GCNA: variants seen among roughly 807,000 people sequenced by gnomAD.
GCNA encodes germ cell nuclear acidic protein.
A neutral mutation model predicts 38.8 loss-of-function variants in GCNA; 3 were observed. That is an observed-to-expected ratio of 0.08 (90% confidence interval 0.04 to 0.20). GCNA has a LOEUF of 0.20. Ranked by LOEUF, GCNA falls within the 10% of genes least tolerant of loss-of-function variation. The pLI, the probability that GCNA is intolerant of heterozygous loss-of-function variation, is 1.00. For synonymous variants in GCNA, 195 were observed against 240.2 expected, an observed-to-expected ratio of 0.81 and a Z score of 1.74; for missense variants, 446 against 578.6, an observed-to-expected ratio of 0.77 and a Z score of 2.35.
intron 7 of GCNA, among the ~76,000 whole-genome samples, chrX:71,600,109 G>C (rs767314135): frequency 6.1e-4 from 68 of 111,916 alleles, no homozygotes; most frequent in Non-Finnish European, 1.5e-4. Flanking sequence ...ACTTCAAAGA[G>C]TGTGTGGCGT....
intron 2 of GCNA, among the ~76,000 whole-genome samples, chrX:71,589,442 T>C (rs1326817222): frequency 1.1e-5 from 1 of 91,799 alleles, no homozygotes; most frequent in Non-Finnish European, 2.1e-5. Flanking sequence ...CTGGCCTGCA[T>C]ATATTTCCTT....
At chrX:71,609,286 T>G (rs2040792506) in intron 10 of GCNA, among the ~76,000 whole-genome samples, 169 bp downstream of exon 10, 1 of 111,871 alleles carries the variant, frequency 8.9e-6, no homozygotes, top group Non-Finnish European at 1.9e-5. Context: ...TGAGTTATAA[T>G]GTATAGGACA....
At chrX:71,607,341 G>T (rs1275523801) in intron 9 of GCNA, among the ~76,000 whole-genome samples, 2 of 112,047 alleles carry the variant, frequency 1.8e-5, no homozygotes, top group African/African-American at 6.5e-5. Flanking sequence ...TCCCCCCTCT[G>T]CAGCCCAACT....
rs1234477204 is a variant in GCNA, at chrX:71,587,115, A to G, written c.60-5007A>G. On this transcript the variant is annotated intron_variant, in intron 2 of 12. Transcript: ENST00000373696. ...AATCCTTGGGAAGGCTAGGGGAGAC[A>G]GGTCCAAAGTACAAGGGAGGGATTG... Among the ~76,000 whole-genome samples the G allele has an allele frequency of 2.7e-5, 3 of 111,480 alleles. No individual in the cohort carries two copies. The East Asian group carries it at 8.5e-4, about 31-fold the overall frequency.
chrX:71,600,416 T>C (rs2040704132), intron 7 of GCNA, among the ~76,000 whole-genome samples: 1 of 112,038 alleles, frequency 8.9e-6, no homozygotes, highest in Non-Finnish European at 1.9e-5. Context: ...TAAAGGACAG[T>C]CCTTTAAATT....
chrX:71,604,703 G>A lies in GCNA; in HGVS notation c.1399+27G>A, dbSNP rs1480204260. 5 of 1,202,112 alleles carry A rather than the reference G, an allele frequency of 4.2e-6. No individual in the cohort carries two copies. The African/African-American group carries it at 8.8e-5, about 21-fold the overall frequency. ...TAAGCCAGTCATGCCAAGTATGCCT[G>A]TCCCACTGAATGTGCCTTGCCTGCC... On this transcript the variant is annotated intron_variant, in intron 8 of 12. Coordinates refer to ENST00000373696, the MANE Select transcript of GCNA (RefSeq NM_052957.5).
At chrX:71,594,477 G>A (rs765734110) in intron 5 of GCNA, 100 bp downstream of exon 5, 924 of 682,904 alleles carry the variant, frequency 1.4e-3, no homozygotes, top group Non-Finnish European at 1.9e-3. Context: ...TTCTAAGTTC[G>A]TCACCTCTAG....
chrX:71,596,780 T>G (rs2147721071), intron 6 of GCNA, among the ~76,000 whole-genome samples: 1 of 111,507 alleles, frequency 9.0e-6, no homozygotes, highest in South Asian at 3.8e-4. Flanking sequence ...TAGGCAGGGC[T>G]GATAATCAAA....
intron 1 of GCNA, among the ~76,000 whole-genome samples, chrX:71,579,277 T>G (rs753862497): frequency 5.2e-4 from 31 of 59,521 alleles, no homozygotes; most frequent in African/African-American, 8.2e-4. Context: ...TGGGGGGAGG[T>G]GGGGGTGCCA....
At chrX:71,605,578 C>T (rs1269441129) in intron 8 of GCNA, 85 bp from the exon 9 acceptor site, 5 of 791,596 alleles carry the variant, frequency 6.3e-6, no homozygotes, top group African/African-American at 4.2e-5. Flanking sequence ...TGTGAGGGCT[C>T]CTTTTGGGTT....
chrX:71,583,208 T>TAA (rs1255039001), intron 2 of GCNA, among the ~76,000 whole-genome samples: 1 of 112,548 alleles, frequency 8.9e-6, no homozygotes, highest in Non-Finnish European at 1.9e-5. Context: ...GAAGGATAAA[T>TAA]AAGATACATT....
chrX:71,613,009 T>C lies in GCNA; in HGVS notation c.*27T>C, dbSNP rs1007884029. ...CATTTGCTGTGTATGTGCAGAAGTATTATAGAAAAATTATGCAGGAGATGG... is the reference window on the plus strand; with the variant it reads ...CATTTGCTGTGTATGTGCAGAAGTACTATAGAAAAATTATGCAGGAGATGG... On this transcript the variant is annotated 3_prime_UTR_variant, in exon 13 of 13. Coordinates refer to ENST00000373696, the MANE Select transcript of GCNA (RefSeq NM_052957.5). 2.5e-6 allele frequency: 3 copies of C among 1,205,537 alleles called. No individual in the cohort carries two copies. Among genetic ancestry groups the C allele is most frequent in the East Asian group, 5.9e-5 (2 of 33,716 alleles).
At chrX:71,592,824 A>AT (rs1241249454) in intron 4 of GCNA, among the ~76,000 whole-genome samples, 1 of 110,710 alleles carries the variant, frequency 9.0e-6, no homozygotes, top group Non-Finnish European at 1.9e-5. Context: ...ATGCCTTAAC[A>AT]TCCAGGCTCT....
chrX:71,589,204 G>A (rs2040606294), intron 2 of GCNA, among the ~76,000 whole-genome samples: 2 of 108,994 alleles, frequency 1.8e-5, no homozygotes, highest in Non-Finnish European at 3.8e-5. Flanking sequence ...TATCTTTAAA[G>A]CCTTCCAATG....
chrX:71,581,007 A>G, intron 2 of GCNA, 127 bp downstream of exon 2: 3 of 607,474 alleles, frequency 4.9e-6, no homozygotes, highest in Non-Finnish European at 7.4e-6. Flanking sequence ...TTATAAAATG[A>G]GAATTGTAAA....
intron 2 of GCNA, among the ~76,000 whole-genome samples, chrX:71,585,725 G>A (rs2147710768): frequency 9.3e-6 from 1 of 107,282 alleles, no homozygotes; most frequent in Non-Finnish European, 1.9e-5. Context: ...TCTTTACCTC[G>A]AACCTTCACA....
intron 6 of GCNA, among the ~76,000 whole-genome samples, chrX:71,596,365 C>T (rs1436718993): frequency 8.9e-6 from 1 of 111,756 alleles, no homozygotes; most frequent in Admixed American, 9.5e-5. Context: ...TGGTAAAATT[C>T]ACCCTTTTTA....
At chrX:71,582,197 C>T (rs1250147246) in intron 2 of GCNA, among the ~76,000 whole-genome samples, 6 of 103,993 alleles carry the variant, frequency 5.8e-5, no homozygotes, top group Non-Finnish European at 1.2e-4. Context: ...CACCTGAGCC[C>T]GGGAAGTCGA....
chrX:71,591,830 T>C (rs1410289447), intron 2 of GCNA, among the ~76,000 whole-genome samples: 5 of 111,694 alleles, frequency 4.5e-5, no homozygotes, highest in East Asian at 5.6e-4. Context: ...TAAATGGAAA[T>C]AAATTACTTG....
Sources: gnomAD v4.1 joint callset for allele counts (sites outside exome capture counted in the v4.1 genomes callset) on GRCh38, gnomAD v4.1.1 for gene constraint, MANE v1.5 for transcripts, NCBI Gene and HGNC (gene_info 2026-07-23, HGNC 2026-07-21) for gene names.